RPS6KC1: variants seen among roughly 807,000 people sequenced by gnomAD.
RPS6KC1 encodes the protein ribosomal protein S6 kinase C1.
RPS6KC1 carries 54 observed loss-of-function variants against 103.8 expected under a neutral mutation model. The observed-to-expected ratio is 0.52, with a 90% confidence interval of 0.42 to 0.65. The LOEUF (loss-of-function observed/expected upper bound fraction) is 0.65, where lower values mean the gene tolerates loss of function less well. RPS6KC1 is among the 30% of genes least tolerant of loss of function. The pLI, the probability that RPS6KC1 is intolerant of heterozygous loss-of-function variation, is 0.00. For synonymous variants in RPS6KC1, 439 were observed against 438.7 expected, an observed-to-expected ratio of 1.00 and a Z score of -0.01; for missense variants, 1,151 against 1,253.8, an observed-to-expected ratio of 0.92 and a Z score of 1.24.
intron 10 of RPS6KC1, among the ~76,000 whole-genome samples, chr1:213,234,753 A>C (rs1299225478): frequency 6.6e-6 from 1 of 152,112 alleles, no homozygotes; most frequent in Non-Finnish European, 1.5e-5. Context: ...ACAGAATCTG[A>C]TTTACATTTT....
chr1:213,136,123 C>T (rs1252611186), intron 6 of RPS6KC1, among the ~76,000 whole-genome samples: 1 of 152,170 alleles, frequency 6.6e-6, no homozygotes, highest in Non-Finnish European at 1.5e-5. Context: ...TGTCTCTGTT[C>T]ACACCCTGTA....
the RPS6KC1 span, among the ~76,000 whole-genome samples, chr1:213,662,426 TA>T: frequency 3.7e-5 from 3 of 81,450 alleles, no homozygotes; most frequent in Admixed American, 3.7e-4. Flanking sequence ...CACACCTGGC[TA>T]ATTTTTTTTT....
chr1:213,228,413 A>G (rs1286521823), intron 8 of RPS6KC1, among the ~76,000 whole-genome samples: 1 of 152,156 alleles, frequency 6.6e-6, no homozygotes, highest in Non-Finnish European at 1.5e-5. Context: ...CTAATGTAGA[A>G]TAGGAATGGT....
At chr1:213,348,534 G>C in the RPS6KC1 span, among the ~76,000 whole-genome samples, 1 of 152,298 alleles carries the variant, frequency 6.6e-6, no homozygotes, top group East Asian at 1.9e-4. Context: ...ACACCAAGGA[G>C]GGTGGAGAAA....
chr1:213,737,421 G>A, the RPS6KC1 span, among the ~76,000 whole-genome samples: 13 of 152,190 alleles, frequency 8.5e-5, no homozygotes, highest in Non-Finnish European at 1.8e-4. Flanking sequence ...AATCAAAATG[G>A]TGATTTCAGC....
chr1:213,061,820 A>C (rs1037158217), intron 1 of RPS6KC1, among the ~76,000 whole-genome samples: 4 of 152,126 alleles, frequency 2.6e-5, no homozygotes, highest in African/African-American at 9.7e-5. Flanking sequence ...AAAAATGAAA[A>C]GAGTGGACAT....
chr1:213,585,892 G>A, the RPS6KC1 span, among the ~76,000 whole-genome samples: 2 of 152,290 alleles, frequency 1.3e-5, no homozygotes, highest in East Asian at 1.9e-4. Flanking sequence ...CAGGAGCTGT[G>A]TTTTCTCAGG....
chr1:213,373,022 A>G, the RPS6KC1 span, among the ~76,000 whole-genome samples: 1 of 152,260 alleles, frequency 6.6e-6, no homozygotes, highest in African/African-American at 2.4e-5. Context: ...ACAAATAAAT[A>G]CTTAGAAAAT....
chr1:213,601,104 G>T, the RPS6KC1 span, among the ~76,000 whole-genome samples: 1 of 152,120 alleles, frequency 6.6e-6, no homozygotes, highest in East Asian at 1.9e-4. Context: ...GTTTTCAGAA[G>T]CAGGTGAAAA....
chr1:213,209,579 C>T (rs1573298154), intron 8 of RPS6KC1, among the ~76,000 whole-genome samples: 1 of 151,276 alleles, frequency 6.6e-6, no homozygotes. Context: ...CCTGTAATCC[C>T]AGCTACTTGG....
the RPS6KC1 span, among the ~76,000 whole-genome samples, chr1:213,543,175 C>T: frequency 6.6e-6 from 1 of 152,160 alleles, no homozygotes; most frequent in African/African-American, 2.4e-5. Context: ...ATAAATGACG[C>T]TGAGTCTTGT....
intron 14 of RPS6KC1, among the ~76,000 whole-genome samples, chr1:213,267,559 A>C (rs2094940972): frequency 6.6e-6 from 1 of 152,178 alleles, no homozygotes; most frequent in South Asian, 2.1e-4. Context: ...AAAAATCAGT[A>C]GAAATTGTCT....
At chr1:213,282,247 A>G in the RPS6KC1 span, among the ~76,000 whole-genome samples, 5 of 152,212 alleles carry the variant, frequency 3.3e-5, no homozygotes, top group African/African-American at 9.6e-5. Context: ...CGGAGAGGAC[A>G]TGAATTATTG....
the RPS6KC1 span, among the ~76,000 whole-genome samples, chr1:213,571,911 A>G: frequency 1.7e-3 from 258 of 152,250 alleles, 1 homozygote; most frequent in African/African-American, 5.9e-3. Context: ...GAGATTCTGT[A>G]TTTCTTACAA....
intron 6 of RPS6KC1, among the ~76,000 whole-genome samples, chr1:213,140,060 C>T (rs2086832963): frequency 6.6e-6 from 1 of 151,976 alleles, no homozygotes; most frequent in Non-Finnish European, 1.5e-5. Context: ...TCGTTTACCT[C>T]CCTGGTTAGC....
intron 8 of RPS6KC1, among the ~76,000 whole-genome samples, chr1:213,203,487 G>C (rs2093237956): frequency 6.6e-6 from 1 of 151,992 alleles, no homozygotes; most frequent in Non-Finnish European, 1.5e-5. Context: ...TTTATTGACT[G>C]TGTTTCTTCT....
the RPS6KC1 span, among the ~76,000 whole-genome samples, chr1:213,513,749 T>A: frequency 6.6e-6 from 1 of 152,170 alleles, no homozygotes; most frequent in Non-Finnish European, 1.5e-5. Context: ...CACAAAGATA[T>A]ATGATCAAAA....
At chr1:213,133,378 T>G (rs2085875844) in intron 6 of RPS6KC1, among the ~76,000 whole-genome samples, 1 of 152,168 alleles carries the variant, frequency 6.6e-6, no homozygotes, top group Non-Finnish European at 1.5e-5. Flanking sequence ...AAGTAATTTA[T>G]TACATGCCTG....
chr1:213,715,417 T>G, the RPS6KC1 span, among the ~76,000 whole-genome samples: 19 of 152,320 alleles, frequency 1.2e-4, no homozygotes, highest in Non-Finnish European at 2.5e-4. Context: ...TCTATATATG[T>G]CAGTTGAATG....
Sources: allele counts gnomAD v4.1 joint callset (sites outside exome capture counted in the v4.1 genomes callset), GRCh38; gene constraint gnomAD v4.1.1; transcripts MANE v1.5; gene names NCBI Gene and HGNC (gene_info 2026-07-23, HGNC 2026-07-21).